Variants in FNTA observed in about 807,000 individuals in gnomAD.
FNTA encodes farnesyltransferase, CAAX box, subunit alpha, also known as protein farnesyltransferase/geranylgeranyltransferase type-1 subunit alpha.
FNTA carries 27 observed loss-of-function variants against 55.2 expected under a neutral mutation model. The ratio of observed to expected loss-of-function variants is 0.49; its 90% CI spans 0.36 to 0.67. The LOEUF (loss-of-function observed/expected upper bound fraction) is 0.67. FNTA is among the 30% of genes least tolerant of loss of function. The pLI, the probability that FNTA is intolerant of heterozygous loss-of-function variation, is 0.00. For missense variants in FNTA, 422 were observed against 464.7 expected, an observed-to-expected ratio of 0.91 and a Z score of 0.85; for synonymous variants, 176 against 170.7, an observed-to-expected ratio of 1.03 and a Z score of -0.24.
At chr8:43,062,779 A>G (rs901385487) in intron 2 of FNTA, among the ~76,000 whole-genome samples, 1 of 152,186 alleles carries the variant, frequency 6.6e-6, no homozygotes, top group African/African-American at 2.4e-5. Flanking sequence ...GTAGACACCA[A>G]CTAGTTGCCC....
Position 43,074,407 on chromosome 8 carries a change from C to T in FNTA, c.633+2100C>T, listed in dbSNP as rs189978178. Reference sequence around the variant, plus strand: ...GAGCGTAGTGGCGCATGCTTGTGTTCGCAGCTACTCAGGAGGCTGAGGCAG... The same window carrying T: ...GAGCGTAGTGGCGCATGCTTGTGTTTGCAGCTACTCAGGAGGCTGAGGCAG... On this transcript the variant is annotated intron_variant, in intron 5 of 8. Coordinates refer to ENST00000302279, the MANE Select transcript of FNTA (RefSeq NM_002027.3). 1.1e-4 allele frequency among the ~76,000 whole-genome samples: 16 copies of T among 152,220 alleles called. No homozygotes were observed. In the East Asian group the frequency reaches 2.1e-3, roughly 20 times the overall value.
chr8:43,057,421 A>G (rs756495677), intron 1 of FNTA: 1 of 152,204 alleles, frequency 6.6e-6, no homozygotes, highest in South Asian at 2.1e-4. Flanking sequence ...TGGTAGCCCC[A>G]TAATCCTCAA....
intron 5 of FNTA, among the ~76,000 whole-genome samples, chr8:43,074,572 A>G (rs1033459930): frequency 6.6e-6 from 1 of 150,430 alleles, no homozygotes; most frequent in Admixed American, 6.6e-5. Flanking sequence ...CACACACACT[A>G]CTACTCACCA....
chr8:43,074,886 ACTC>A (rs1457180678), intron 5 of FNTA, among the ~76,000 whole-genome samples: 3 of 152,056 alleles, frequency 2.0e-5, no homozygotes, highest in African/African-American at 7.3e-5. Flanking sequence ...TTCTACCCCC[ACTC>A]CTCCACCTGT....
chr8:43,082,661 G>C (rs1811048297), intron 6 of FNTA: 1 of 152,378 alleles, frequency 6.6e-6, no homozygotes, highest in Admixed American at 6.5e-5. Context: ...GGATTCTCGT[G>C]ATTTAAATAT....
intron 7 of FNTA, among the ~76,000 whole-genome samples, chr8:43,083,817 A>G (rs538970776): frequency 1.6e-4 from 25 of 152,328 alleles, no homozygotes; most frequent in Admixed American, 1.4e-3. Context: ...TCATGCCTGC[A>G]ATCCCAGCAC....
chr8:43,057,948 C>T (rs575286776), intron 1 of FNTA, among the ~76,000 whole-genome samples: 2 of 142,804 alleles, frequency 1.4e-5, no homozygotes, highest in Non-Finnish European at 3.0e-5. Flanking sequence ...AAGAGCGTGA[C>T]TCCATCTCAA....
At chr8:43,071,091 C>T (rs1419228271) in intron 4 of FNTA, among the ~76,000 whole-genome samples, 1 of 152,156 alleles carries the variant, frequency 6.6e-6, no homozygotes, top group Non-Finnish European at 1.5e-5. Context: ...ATTCATTAAG[C>T]ATTAAATCCT....
chr8:43,064,315 A>G, intron 3 of FNTA, 100 bp downstream of exon 3: 1 of 734,450 alleles, frequency 1.4e-6, no homozygotes, highest in South Asian at 1.7e-5. Context: ...ACTGTACTTT[A>G]TTTTTTTTGG....
In FNTA at chr8:43,085,398, T is replaced by C. The variant is rs1811107549; in HGVS notation, c.*116T>C. On this transcript the variant is annotated 3_prime_UTR_variant, in exon 9 of 9. Coordinates refer to ENST00000302279, the MANE Select transcript of FNTA (RefSeq NM_002027.3). ...GTGGTGTAAAAGTGCATCACACAGG[T>C]ATTGCTTTTTAACAAGAACTGATGC... 2 of 918,324 alleles carry C rather than the reference T, an allele frequency of 2.2e-6. No homozygotes were observed. Among genetic ancestry groups the C allele is most frequent in the Admixed American group, 2.7e-5 (1 of 37,694 alleles). The allele number at this position is 918,324 out of a possible 1,614,324, so 56.9% of individuals were successfully genotyped here.
intron 3 of FNTA, among the ~76,000 whole-genome samples, chr8:43,065,410 G>A (rs1164016069): frequency 6.6e-6 from 1 of 151,968 alleles, no homozygotes; most frequent in Non-Finnish European, 1.5e-5. Context: ...ACCACACCCA[G>A]CTAATTTTGT....
chr8:43,083,111 C>A lies in FNTA; in HGVS notation c.783-7C>A. 2 of 1,491,978 alleles carry A rather than the reference C, an allele frequency of 1.3e-6. No individual in the cohort carries two copies. Among genetic ancestry groups the A allele is most frequent in the Non-Finnish European group, 1.8e-6 (2 of 1,092,376 alleles). The allele number at this position is 1,491,978 out of a possible 1,614,324, so 92.4% of individuals were successfully genotyped here. A position where few individuals can be genotyped will look rare whatever the true frequency, so the allele number is the denominator to read the frequency against. The stretch of plus-strand genomic sequence containing the variant: ...TTTAAAATTGTATATATATATTTTT[C>A]TTGCAGATACACTCTGGAAATGATT... On this transcript the variant is annotated splice_polypyrimidine_tract_variant and splice_region_variant and intron_variant, in intron 6 of 8. Transcript: ENST00000302279.
At chr8:43,073,435 C>T (rs1174110400) in intron 5 of FNTA, 1 of 152,118 alleles carries the variant, frequency 6.6e-6, no homozygotes, top group Admixed American at 6.5e-5. Flanking sequence ...GTAGCTTATG[C>T]ATTTCTATTT....
chr8:43,076,031 A>G (rs796993628), intron 5 of FNTA, among the ~76,000 whole-genome samples: 6 of 151,604 alleles, frequency 4.0e-5, no homozygotes, highest in African/African-American at 1.5e-4. Flanking sequence ...TGCCCGACTA[A>G]TTTTTTTATT....
chr8:43,071,172 G>A (rs1810781638), intron 4 of FNTA, among the ~76,000 whole-genome samples: 1 of 151,936 alleles, frequency 6.6e-6, no homozygotes, highest in African/African-American at 2.4e-5. Context: ...TTAAGGGTCC[G>A]TTTTATTGAG....
chr8:43,057,388 G>T lies in FNTA; in HGVS notation c.200+842G>T, dbSNP rs544191471. On this transcript the variant is annotated intron_variant, in intron 1 of 8. Transcript: ENST00000302279. Reference sequence around the variant, plus strand: ...ACCCATATATATTTTTTTGATTGGAGATAGTGTTTTACTGATTTAAATTGG... The same window carrying T: ...ACCCATATATATTTTTTTGATTGGATATAGTGTTTTACTGATTTAAATTGG... The T allele has an allele frequency of 2.6e-5, 4 of 152,266 alleles. No homozygotes were observed. In the South Asian group the frequency reaches 8.3e-4, roughly 32 times the overall value. The allele number at this position is 152,266 out of a possible 1,614,324, so 9.4% of individuals were successfully genotyped here.
intron 4 of FNTA, chr8:43,070,374 C>T (rs1810760221): frequency 6.6e-6 from 1 of 151,946 alleles, no homozygotes; most frequent in Non-Finnish European, 1.5e-5. Flanking sequence ...CTGTTGATTA[C>T]AAGATTGTTG....
At chr8:43,057,647 C>T (rs1810441350) in intron 1 of FNTA, among the ~76,000 whole-genome samples, 1 of 152,138 alleles carries the variant, frequency 6.6e-6, no homozygotes, top group African/African-American at 2.4e-5. Flanking sequence ...AACAGCTGAT[C>T]ATTATAGAGA....
At chr8:43,066,401 C>T (rs916009327) in intron 3 of FNTA, among the ~76,000 whole-genome samples, 6 of 150,784 alleles carry the variant, frequency 4.0e-5, no homozygotes, top group South Asian at 4.1e-4. Context: ...GGACTACGGA[C>T]GCCTGCCACC....
Sources: allele counts gnomAD v4.1 joint callset (sites outside exome capture counted in the v4.1 genomes callset), GRCh38; gene constraint gnomAD v4.1.1; transcripts MANE v1.5; gene names NCBI Gene and HGNC (gene_info 2026-07-23, HGNC 2026-07-21).